JARID2: variants seen among roughly 807,000 people sequenced by gnomAD.
JARID2 encodes the protein jumonji and AT-rich interaction domain containing 2, also known as protein Jumonji.
Under a neutral mutation model 125.6 loss-of-function variants are expected in JARID2, and 21 were observed. That is an observed-to-expected ratio of 0.17 (90% CI 0.12 to 0.24). The LOEUF is 0.24. Among genes scored for constraint, JARID2 ranks in the 10% least tolerant of loss-of-function variants. The probability of loss-of-function intolerance (pLI) is 1.00; values close to 1 mark genes in which losing one functional copy is unlikely to be tolerated. For synonymous variants in JARID2, 736 were observed against 661.6 expected (o/e 1.11, Z -1.73); for missense variants, 1,303 against 1,639.6 (o/e 0.79, Z 3.55).
At chr6:15,265,665 G>A (rs574396980) in intron 1 of JARID2, among the ~76,000 whole-genome samples, 1 of 152,258 alleles carries the variant, frequency 6.6e-6, no homozygotes, top group East Asian at 1.9e-4. Flanking sequence ...AGGCAATTAA[G>A]GAGTATTCTG....
At position 15,256,178 on chromosome 6, in the gene JARID2, G is replaced by A. The variant is rs188704649; in HGVS notation, c.45+9594G>A. Reference sequence around the variant, plus strand: ...TCACCAACCTGGAGACATCAGGCCTGCCGGCGGCCTTCCTAGCTGACTCAG... The same window carrying A: ...TCACCAACCTGGAGACATCAGGCCTACCGGCGGCCTTCCTAGCTGACTCAG... On this transcript the variant is annotated intron_variant, in intron 1 of 17. Coordinates refer to ENST00000341776, the MANE Select transcript of JARID2 (RefSeq NM_004973.4). Among the ~76,000 whole-genome samples the A allele has an allele frequency of 3.9e-3, 595 of 152,322 alleles. 14 individuals carry two copies. The highest frequency in any genetic ancestry group is 6.8e-3 in the Middle Eastern group (2 of 294).
At chr6:15,259,512 TCTC>T (rs1419253569) in intron 1 of JARID2, among the ~76,000 whole-genome samples, 6 of 152,292 alleles carry the variant, frequency 3.9e-5, no homozygotes, top group Middle Eastern at 3.4e-3. Flanking sequence ...CAATGCCACA[TCTC>T]CTTCTCAAAC....
intron 1 of JARID2, among the ~76,000 whole-genome samples, chr6:15,261,987 G>C (rs934532697): frequency 1.5e-4 from 23 of 151,466 alleles, no homozygotes; most frequent in Non-Finnish European, 2.8e-4. Context: ...TCACCGTGCA[G>C]GTCAGGCTGG....
chr6:15,408,632 A>G (rs544128943), intron 2 of JARID2, among the ~76,000 whole-genome samples: 64 of 152,332 alleles, frequency 4.2e-4, no homozygotes, highest in Non-Finnish European at 8.1e-4. Flanking sequence ...GATTTAATCT[A>G]CTCCAAAACA....
chr6:15,440,086 A>C (rs1207645287), intron 3 of JARID2, among the ~76,000 whole-genome samples: 3 of 152,200 alleles, frequency 2.0e-5, no homozygotes, highest in Non-Finnish European at 4.4e-5. Context: ...TTTTGACTTG[A>C]GATGTAGTCA....
chr6:15,322,921 A>C (rs1408656935), intron 1 of JARID2, among the ~76,000 whole-genome samples: 2 of 152,244 alleles, frequency 1.3e-5, no homozygotes, highest in East Asian at 1.9e-4. Context: ...ATATAAACAT[A>C]ACAGCATACT....
chr6:15,251,175 C>T (rs1029236555), intron 1 of JARID2, among the ~76,000 whole-genome samples: 1 of 152,070 alleles, frequency 6.6e-6, no homozygotes, highest in Non-Finnish European at 1.5e-5. Flanking sequence ...TCATGTCCGG[C>T]TAATTTTTGT....
At chr6:15,473,522 C>T (rs896897439) in intron 5 of JARID2, among the ~76,000 whole-genome samples, 1 of 38,724 alleles carries the variant, frequency 2.6e-5, no homozygotes, top group Non-Finnish European at 8.4e-5. Flanking sequence ...GTGCCCCCCC[C>T]CCCCCCCCGC....
intron 1 of JARID2, among the ~76,000 whole-genome samples, chr6:15,345,694 G>A (rs1404901142): frequency 1.3e-5 from 2 of 152,022 alleles, no homozygotes; most frequent in African/African-American, 2.4e-5. Context: ...TTAAAATACC[G>A]ATTTTGACTT....
At chr6:15,258,196 C>T (rs1235517055) in intron 1 of JARID2, among the ~76,000 whole-genome samples, 1 of 152,138 alleles carries the variant, frequency 6.6e-6, no homozygotes, top group African/African-American at 2.4e-5. Flanking sequence ...TTTTTGGTTG[C>T]TTACCATGTT....
intron 3 of JARID2, among the ~76,000 whole-genome samples, chr6:15,448,786 CTG>C (rs1393263212): frequency 1.3e-5 from 2 of 152,068 alleles, no homozygotes; most frequent in Non-Finnish European, 2.9e-5. Flanking sequence ...TCCTCTGACA[CTG>C]TGTGCTCGAG....
intron 3 of JARID2, among the ~76,000 whole-genome samples, chr6:15,441,892 A>C (rs1272999017): frequency 6.6e-6 from 1 of 152,016 alleles, no homozygotes; most frequent in South Asian, 2.1e-4. Flanking sequence ...CCTGGGTTCA[A>C]GTGATTCTCC....
chr6:15,254,891 A>G (rs1439994389), intron 1 of JARID2, among the ~76,000 whole-genome samples: 2 of 151,900 alleles, frequency 1.3e-5, no homozygotes, highest in Non-Finnish European at 2.9e-5. Flanking sequence ...AATGCAAAAA[A>G]GTTAGCCAGG....
chr6:15,316,704 T>C (rs139257625), intron 1 of JARID2, among the ~76,000 whole-genome samples: 4 of 152,196 alleles, frequency 2.6e-5, no homozygotes, highest in Non-Finnish European at 5.9e-5. Flanking sequence ...GGTTTCACCA[T>C]GTTGGCCAGG....
intron 1 of JARID2, among the ~76,000 whole-genome samples, chr6:15,294,762 G>A (rs954465263): frequency 3.3e-5 from 5 of 152,126 alleles, no homozygotes; most frequent in African/African-American, 9.7e-5. Context: ...CTGGGGTGGC[G>A]CGTATCCCTG....
At chr6:15,393,209 A>T (rs906374111) in intron 2 of JARID2, among the ~76,000 whole-genome samples, 1 of 151,908 alleles carries the variant, frequency 6.6e-6, no homozygotes, top group Admixed American at 6.6e-5. Context: ...AAAGTTAAAA[A>T]AATTGATATT....
chr6:15,303,445 A>G (rs1296402360), intron 1 of JARID2, among the ~76,000 whole-genome samples: 2 of 152,254 alleles, frequency 1.3e-5, no homozygotes, highest in Admixed American at 6.5e-5. Context: ...CCAGAGGCTT[A>G]TTGCCTCTCA....
At chr6:15,421,106 A>G (rs1404876794) in intron 3 of JARID2, among the ~76,000 whole-genome samples, 4 of 151,556 alleles carry the variant, frequency 2.6e-5, no homozygotes, top group South Asian at 2.1e-4. Context: ...GTGTTTCTCA[A>G]CCCCGGCTCT....
intron 1 of JARID2, among the ~76,000 whole-genome samples, chr6:15,270,773 C>T (rs1482024002): frequency 6.6e-6 from 1 of 151,932 alleles, no homozygotes; most frequent in African/African-American, 2.4e-5. Context: ...CATGGTGAAA[C>T]CCTGTCTCTA....
Sources: allele counts gnomAD v4.1 joint callset (sites outside exome capture counted in the v4.1 genomes callset), GRCh38; gene constraint gnomAD v4.1.1; transcripts MANE v1.5; gene names NCBI Gene and HGNC (gene_info 2026-07-23, HGNC 2026-07-21).